Variants in PCDH11X observed in about 807,000 individuals in gnomAD.
The protein encoded by PCDH11X is protocadherin 11 X-linked.
PCDH11X carries 18 observed loss-of-function variants against 53.3 expected under a neutral mutation model. The ratio of observed to expected loss-of-function variants is 0.34; its 90% CI spans 0.23 to 0.50. PCDH11X has a LOEUF of 0.50. Among genes scored for constraint, PCDH11X ranks in the 20% least tolerant of loss-of-function variants. PCDH11X has a pLI of 0.98. For synonymous variants in PCDH11X, 279 were observed against 393.3 expected (o/e 0.71, Z 3.44); for missense variants, 570 against 1,032.4 (o/e 0.55, Z 6.14).
intron 9 of PCDH11X, among the ~76,000 whole-genome samples, chrX:92,413,571 C>G (rs1239524571): frequency 2.1e-5 from 2 of 95,456 alleles, no homozygotes; most frequent in Non-Finnish European, 4.0e-5. Context: ...AACTCATAGT[C>G]TCTCAATACT....
chrX:92,104,283 G>A (rs1054028123), intron 6 of PCDH11X, among the ~76,000 whole-genome samples: 11 of 110,048 alleles, frequency 1.0e-4, no homozygotes, highest in African/African-American at 2.3e-4. Context: ...TCAGCCTGTC[G>A]AGGAGGGGAG....
Position 92,381,358 on chromosome X carries a change from AAGATGAAAC to A in PCDH11X, c.3145-6375_3145-6367del, listed in dbSNP as rs1175605205. Among the ~76,000 whole-genome samples, 3 of 111,458 alleles carry A rather than the reference AAGATGAAAC, an allele frequency of 2.7e-5. No individual in the cohort carries two copies. In the Admixed American group the frequency reaches 2.9e-4, roughly 11 times the overall value. ...ATGTGCTAATGAACACCAGGTAAAAAAGATGAAACAAACATGTTTCATATACACCAGAAT... is the reference window on the plus strand; with the variant it reads ...ATGTGCTAATGAACACCAGGTAAAAAAAACATGTTTCATATACACCAGAAT... On this transcript the variant is annotated intron_variant, in intron 8 of 10. Coordinates refer to ENST00000682573, the MANE Select transcript of PCDH11X (RefSeq NM_032968.5).
rs1001016225 is a variant in PCDH11X, at chrX:92,205,573, T to G, written c.3114+4118T>G. On this transcript the variant is annotated intron_variant, in intron 7 of 10. Coordinates refer to ENST00000682573, the MANE Select transcript of PCDH11X (RefSeq NM_032968.5). ...ATTATAATATAACACTTTTCCTCGA[T>G]GAATAAGAAGATGCTAAATCAATGT... 2.8e-5 allele frequency among the ~76,000 whole-genome samples: 3 copies of G among 107,055 alleles called. 1 individual carries two copies. Among genetic ancestry groups the G allele is most frequent in the Non-Finnish European group, 5.7e-5 (3 of 52,239 alleles). The allele number at this position is 107,055 out of a possible 115,157, so 93.0% of individuals were successfully genotyped here.
intron 6 of PCDH11X, among the ~76,000 whole-genome samples, chrX:91,909,651 G>T: frequency 9.7e-6 from 1 of 103,127 alleles, no homozygotes; most frequent in African/African-American, 3.5e-5. Context: ...AAATCTTATC[G>T]GCATTGCCTA....
chrX:92,590,917 T>C (rs774958635), intron 10 of PCDH11X, among the ~76,000 whole-genome samples: 2 of 110,956 alleles, frequency 1.8e-5, no homozygotes, highest in African/African-American at 6.6e-5. Flanking sequence ...GGGGTGATTA[T>C]CCCCTCTTCA....
chrX:92,284,254 A>G lies in PCDH11X; in HGVS notation c.3144+21111A>G, dbSNP rs752111592. Among the ~76,000 whole-genome samples the G allele has an allele frequency of 1.1e-3, 117 of 110,168 alleles. 1 individual carries two copies. The highest frequency in any genetic ancestry group is 3.8e-3 in the African/African-American group (114 of 30,384). ...CTTAGTCATTAATGTTAATCACTATAATGGTTCATATTTATTCCTGCTAGT... is the reference window on the plus strand; with the variant it reads ...CTTAGTCATTAATGTTAATCACTATGATGGTTCATATTTATTCCTGCTAGT... On this transcript the variant is annotated intron_variant, in intron 8 of 10. Coordinates refer to ENST00000682573, the MANE Select transcript of PCDH11X (RefSeq NM_032968.5).
At chrX:92,584,924 G>A (rs1924200089) in intron 10 of PCDH11X, among the ~76,000 whole-genome samples, 1 of 107,218 alleles carries the variant, frequency 9.3e-6, no homozygotes, top group African/African-American at 3.4e-5. Flanking sequence ...TTCCAGAGTA[G>A]CTGGGATTAC....
At chrX:92,226,108 G>A (rs1450733213) in intron 7 of PCDH11X, among the ~76,000 whole-genome samples, 3 of 111,405 alleles carry the variant, frequency 2.7e-5, no homozygotes, top group African/African-American at 6.5e-5. Flanking sequence ...AAAGGGGAGG[G>A]GATGATCCCT....
intron 7 of PCDH11X, among the ~76,000 whole-genome samples, chrX:92,239,225 T>C (rs777795869): frequency 4.5e-5 from 5 of 111,662 alleles, no homozygotes; most frequent in African/African-American, 1.6e-4. Context: ...TAATATGTAA[T>C]TTGTTACCAT....
intron 6 of PCDH11X, among the ~76,000 whole-genome samples, chrX:92,151,199 T>G (rs1018185065): frequency 1.8e-4 from 20 of 109,585 alleles, no homozygotes; most frequent in Non-Finnish European, 3.4e-4. Context: ...ATCTATTTAT[T>G]TATTTATTTT....
At chrX:92,546,229 A>C (rs2074852472) in intron 10 of PCDH11X, among the ~76,000 whole-genome samples, 1 of 111,161 alleles carries the variant, frequency 9.0e-6, no homozygotes, top group African/African-American at 3.2e-5. Context: ...ACCCACAATC[A>C]CACATTTATT....
chrX:92,179,192 C>T (rs1030231444), intron 6 of PCDH11X, among the ~76,000 whole-genome samples: 11 of 112,052 alleles, frequency 9.8e-5, no homozygotes, highest in African/African-American at 1.9e-4. Flanking sequence ...CTGACTATTT[C>T]GATCTTAAAC....
chrX:92,475,943 T>C (rs1039027997), intron 10 of PCDH11X, among the ~76,000 whole-genome samples: 5 of 111,630 alleles, frequency 4.5e-5, no homozygotes, highest in Non-Finnish European at 9.4e-5. Flanking sequence ...TTCTTCTACT[T>C]GATCAATTCT....
intron 4 of PCDH11X, among the ~76,000 whole-genome samples, chrX:91,829,622 T>C (rs1484677209): frequency 9.0e-6 from 1 of 111,223 alleles, no homozygotes; most frequent in African/African-American, 3.3e-5. Flanking sequence ...CATCACTTTC[T>C]GTTTCTTTCT....
chrX:92,393,256 G>T (rs1443092504), intron 9 of PCDH11X, among the ~76,000 whole-genome samples: 1 of 110,875 alleles, frequency 9.0e-6, no homozygotes, highest in Non-Finnish European at 1.9e-5. Flanking sequence ...GACTCTGTAG[G>T]CTATGTATTT....
At position 92,541,504 on chromosome X, in the gene PCDH11X, G is replaced by T. The variant is rs1276879695; in HGVS notation, c.3367+73182G>T. On this transcript the variant is annotated intron_variant, in intron 10 of 10. Coordinates refer to ENST00000682573, the MANE Select transcript of PCDH11X (RefSeq NM_032968.5). ...TTTCAGTGATATGAATTTAAACCAT[G>T]TACTGTGATTACTCACTTGATTTTT... is the stretch of plus-strand genomic sequence containing the variant. Among the ~76,000 whole-genome samples the T allele has an allele frequency of 3.6e-5, 4 of 111,232 alleles. No individual in the cohort carries two copies. The East Asian group carries it at 1.1e-3, about 31-fold the overall frequency.
intron 10 of PCDH11X, among the ~76,000 whole-genome samples, chrX:92,601,876 A>G (rs1382695288): frequency 9.0e-6 from 1 of 111,291 alleles, no homozygotes; most frequent in Non-Finnish European, 1.9e-5. Context: ...GGTATCTTCC[A>G]CTGAGGCACA....
chrX:92,006,749 T>C (rs1423352169), intron 6 of PCDH11X, among the ~76,000 whole-genome samples: 1 of 110,673 alleles, frequency 9.0e-6, no homozygotes, highest in Non-Finnish European at 1.9e-5. Flanking sequence ...CCACTCTTCT[T>C]TGGAAGGCTT....
intron 8 of PCDH11X, among the ~76,000 whole-genome samples, chrX:92,327,905 A>G (rs2148500682): frequency 9.9e-6 from 1 of 100,535 alleles, no homozygotes; most frequent in East Asian, 3.2e-4. Flanking sequence ...TGTGTTATTA[A>G]AAAATGTCCT....
Sources: allele counts gnomAD v4.1 joint callset (sites outside exome capture counted in the v4.1 genomes callset), GRCh38; gene constraint gnomAD v4.1.1; transcripts MANE v1.5; gene names NCBI Gene and HGNC (gene_info 2026-07-23, HGNC 2026-07-21).